DIS3L2: variants seen among roughly 807,000 people sequenced by gnomAD.
DIS3L2 encodes the protein DIS3-like exonuclease 2.
Under a neutral mutation model 97.5 loss-of-function variants are expected in DIS3L2, and 34 were observed. That is an observed-to-expected ratio of 0.35 (90% CI 0.27 to 0.46). The LOEUF (loss-of-function observed/expected upper bound fraction) is 0.46, where lower values mean the gene tolerates loss of function less well. DIS3L2 is among the 20% of genes least tolerant of loss of function. The pLI is 1.00. For synonymous variants in DIS3L2, 435 were observed against 445.2 expected, an observed-to-expected ratio of 0.98 and a Z score of 0.29; for missense variants, 1,038 against 1,146.0, an observed-to-expected ratio of 0.91 and a Z score of 1.36.
At chr2:231,980,736 C>A (rs12994246) in intron 1 of DIS3L2, among the ~76,000 whole-genome samples, 20,290 of 151,938 alleles carry the variant, frequency 0.13, 1,847 homozygotes, top group South Asian at 0.34. Flanking sequence ...TTGTTAATTT[C>A]TATTAAAAGG....
In DIS3L2 at chr2:232,287,395, C is replaced by G. The variant is rs1401577909; in HGVS notation, c.1660-12645C>G. Among the ~76,000 whole-genome samples, 77 of 61,664 alleles carry G rather than the reference C, an allele frequency of 1.2e-3. 10 individuals carry two copies. Among genetic ancestry groups the G allele is most frequent in the Non-Finnish European group, 1.0e-3 (31 of 30,914 alleles). 40.5% of individuals were successfully genotyped at this position (61,664 alleles called of 152,430 possible). On this transcript the variant is annotated intron_variant, in intron 13 of 20. Transcript: ENST00000325385. ...TCCTTTCCTTCCCCCCGCGCCCCCC[C>G]CCCCCCCCGCTTTTATTACATAGAG...
At chr2:232,060,531 C>T (rs996088740) in intron 5 of DIS3L2, among the ~76,000 whole-genome samples, 3 of 152,034 alleles carry the variant, frequency 2.0e-5, no homozygotes, top group Admixed American at 6.5e-5. Context: ...GTTTTTATGC[C>T]AGTATCATAC....
chr2:232,136,231 G>A (rs947598897), intron 7 of DIS3L2, among the ~76,000 whole-genome samples: 4 of 152,126 alleles, frequency 2.6e-5, no homozygotes, highest in Non-Finnish European at 5.9e-5. Flanking sequence ...GGTAATAAAA[G>A]CACTTTGATT....
chr2:232,215,022 G>T (rs1486114817), intron 10 of DIS3L2, among the ~76,000 whole-genome samples: 1 of 152,186 alleles, frequency 6.6e-6, no homozygotes, highest in Non-Finnish European at 1.5e-5. Context: ...TGACGAAAAT[G>T]TTCTGGAATT....
intron 11 of DIS3L2, among the ~76,000 whole-genome samples, chr2:232,241,571 G>C (rs748941995): frequency 6.6e-5 from 10 of 152,134 alleles, no homozygotes; most frequent in Admixed American, 1.3e-4. Context: ...ATAAGTATTT[G>C]GTTATTCTTG....
intron 10 of DIS3L2, among the ~76,000 whole-genome samples, chr2:232,218,719 C>G (rs1394384463): frequency 6.6e-6 from 1 of 152,226 alleles, no homozygotes; most frequent in East Asian, 1.9e-4. Context: ...TTTTCCTCTC[C>G]AGACTGTTGT....
intron 1 of DIS3L2, among the ~76,000 whole-genome samples, chr2:232,009,163 T>C (rs1694130074): frequency 6.6e-6 from 1 of 152,216 alleles, no homozygotes; most frequent in Non-Finnish European, 1.5e-5. Context: ...AACATATTTA[T>C]AATAGCTGCT....
chr2:232,243,771 T>A (rs905045343), intron 11 of DIS3L2, among the ~76,000 whole-genome samples: 6 of 152,222 alleles, frequency 3.9e-5, no homozygotes, highest in African/African-American at 1.2e-4. Context: ...AGAAGTTAGC[T>A]TCCCACTGTT....
At chr2:232,063,756 G>C (rs1484520557) in intron 5 of DIS3L2, among the ~76,000 whole-genome samples, 1 of 152,010 alleles carries the variant, frequency 6.6e-6, no homozygotes, top group Non-Finnish European at 1.5e-5. Flanking sequence ...CTTTGTGGGT[G>C]TACTTATTTC....
chr2:232,137,203 G>C lies in DIS3L2; in HGVS notation c.950+484G>C, dbSNP rs146826647. Reference sequence around the variant, plus strand: ...CTGTGGCATTAAAAACTACCCTATTGTAAGAAGGAAAAGGGTATCATGTTT... The same window carrying C: ...CTGTGGCATTAAAAACTACCCTATTCTAAGAAGGAAAAGGGTATCATGTTT... On this transcript the variant is annotated intron_variant, in intron 8 of 20. Coordinates refer to ENST00000325385, the MANE Select transcript of DIS3L2 (RefSeq NM_152383.5). 5.1e-3 allele frequency among the ~76,000 whole-genome samples: 769 copies of C among 152,258 alleles called. 6 individuals are homozygous for C. The highest frequency in any genetic ancestry group is 8.3e-3 in the Non-Finnish European group (563 of 68,018).
intron 10 of DIS3L2, among the ~76,000 whole-genome samples, chr2:232,224,846 A>G (rs945785343): frequency 6.6e-6 from 1 of 151,898 alleles, no homozygotes; most frequent in Non-Finnish European, 1.5e-5. Flanking sequence ...TTTAAAAAAA[A>G]AAAAAAAAGA....
intron 13 of DIS3L2, among the ~76,000 whole-genome samples, chr2:232,272,043 A>C (rs937674967): frequency 3.3e-5 from 5 of 152,192 alleles, no homozygotes; most frequent in African/African-American, 1.2e-4. Context: ...AAAAACTAAT[A>C]TGTGTCATTA....
At chr2:232,015,480 G>A (rs1341936740) in intron 2 of DIS3L2, 34 bp from the exon 3 acceptor site, 1 of 1,600,946 alleles carries the variant, frequency 6.2e-7, no homozygotes, top group Non-Finnish European at 8.5e-7. Context: ...ACAGATGTTT[G>A]AGGAAAGAGT....
chr2:232,217,424 T>C (rs1692370878), intron 10 of DIS3L2, among the ~76,000 whole-genome samples: 1 of 152,234 alleles, frequency 6.6e-6, no homozygotes, highest in Non-Finnish European at 1.5e-5. Context: ...CTGCAGCATA[T>C]GCCAGCAGGT....
At chr2:232,331,515 A>G (rs1047184443) in intron 16 of DIS3L2, among the ~76,000 whole-genome samples, 1 of 152,182 alleles carries the variant, frequency 6.6e-6, no homozygotes, top group African/African-American at 2.4e-5. Flanking sequence ...TGACACTTCA[A>G]GCTCTGCTGG....
At chr2:232,253,695 A>G (rs1420189695) in intron 12 of DIS3L2, among the ~76,000 whole-genome samples, 2 of 152,160 alleles carry the variant, frequency 1.3e-5, no homozygotes, top group East Asian at 3.8e-4. Context: ...TGTATGGAAG[A>G]AAAAATAAAT....
chr2:232,199,812 T>C (rs1275591372), intron 9 of DIS3L2, among the ~76,000 whole-genome samples: 1 of 152,186 alleles, frequency 6.6e-6, no homozygotes, highest in African/African-American at 2.4e-5. Flanking sequence ...GGAATGAGAC[T>C]TCTTTTGAGT....
intron 1 of DIS3L2, among the ~76,000 whole-genome samples, chr2:232,003,246 C>T (rs537156135): frequency 5.4e-4 from 82 of 152,188 alleles, no homozygotes; most frequent in African/African-American, 1.5e-3. Context: ...TTTTCTCTGT[C>T]GTTTTAGAAA....
rs754954713 is a variant in DIS3L2 at position 232,342,196 on chromosome 2, CACAT to C, written c.1582-1143_1582-1140del. 6.4e-3 allele frequency among the ~76,000 whole-genome samples: 928 copies of C among 145,032 alleles called. 10 individuals carry two copies. The highest frequency in any genetic ancestry group is 0.021 in the African/African-American group (764 of 35,752). Reference sequence around the variant, plus strand: ...ACATATATACACGTATACATATATACACATACATATATACACATATATACACATA... The same window carrying C: ...ACATATATACACGTATACATATATACACATATATACACATATATACACATA... On this transcript the variant is annotated intron_variant, in intron 13 of 13. Transcript: ENST00000273009.
Sources: allele counts gnomAD v4.1 joint callset (sites outside exome capture counted in the v4.1 genomes callset), GRCh38; gene constraint gnomAD v4.1.1; transcripts MANE v1.5; gene names NCBI Gene and HGNC (gene_info 2026-07-23, HGNC 2026-07-21).